Variants in EFCAB7 observed in about 807,000 individuals in gnomAD.
The protein encoded by EFCAB7 is EF-hand calcium-binding domain-containing protein 7.
EFCAB7 carries 66 observed loss-of-function variants against 77.1 expected under a neutral mutation model. The ratio of observed to expected loss-of-function variants is 0.86; its 90% CI spans 0.70 to 1.05. The LOEUF is 1.05. Ranked by LOEUF, EFCAB7 falls within the 50% of genes least tolerant of loss-of-function variation. The probability of loss-of-function intolerance (pLI) is 0.00; values close to 1 mark genes in which losing one functional copy is unlikely to be tolerated. For synonymous variants in EFCAB7, 225 were observed against 243.3 expected (o/e 0.92, Z 0.70); for missense variants, 638 against 730.5 (o/e 0.87, Z 1.46).
chr1:63,545,942 T>A lies in EFCAB7; in HGVS notation c.831T>A (p.Gly277=). The A allele has an allele frequency of 1.2e-6, 2 of 1,613,676 alleles. No homozygotes were observed. Among genetic ancestry groups the A allele is most frequent in the Non-Finnish European group, 1.7e-6 (2 of 1,179,790 alleles). The change falls in exon 7 of 14, where the codon GGT becomes GGA. Residue 277 remains glycine, a synonymous_variant. Coordinates refer to ENST00000371088, the MANE Select transcript of EFCAB7 (RefSeq NM_032437.4). ...ACTGGCAACACATGCAATCAAAAGG[T>A]TGCTTCTTCTTAGAAGAAGATGGTG... ...IKDWQHMQSK[G]CFFLEEDGEI... is the part of the protein sequence containing the mutation.
chr1:63,531,232 C>T (rs75679041), intron 2 of EFCAB7, among the ~76,000 whole-genome samples: 3,338 of 152,008 alleles, frequency 0.022, 124 homozygotes, highest in African/African-American at 0.076. Context: ...TTCTCTACTT[C>T]TAGGATATTA....
At chr1:63,572,049 T>C (rs1242606532) in intron 13 of EFCAB7, among the ~76,000 whole-genome samples, 1 of 152,228 alleles carries the variant, frequency 6.6e-6, no homozygotes, top group African/African-American at 2.4e-5. Flanking sequence ...AAGCTTCCTA[T>C]TCTTACCCTT....
chr1:63,531,926 G>A lies in EFCAB7; in HGVS notation c.294G>A (p.Lys98=). 6.2e-7 allele frequency: 1 copy of A among 1,612,946 alleles called. No homozygotes were observed. Among genetic ancestry groups the A allele is most frequent in the Non-Finnish European group, 8.5e-7 (1 of 1,179,348 alleles). Residue 98 remains lysine (K), a synonymous_variant, in exon 3 of 14, where the codon AAG becomes AAA. Transcript: ENST00000371088. ...ATGATTTTTGTATAATTTTAAGGAA[G>A]GAAAAACCTACTTCAAAAGCAGAAC... ...NFDDFCIILR[K]EKPTSKAELL...
chr1:63,556,827 C>T (rs918568776), intron 9 of EFCAB7, among the ~76,000 whole-genome samples: 13 of 151,076 alleles, frequency 8.6e-5, no homozygotes, highest in African/African-American at 2.7e-4. Flanking sequence ...TCAAGACCAT[C>T]CTGGCTAAAA....
the EFCAB7 span, among the ~76,000 whole-genome samples, chr1:63,581,681 T>G: frequency 2.0e-5 from 3 of 152,172 alleles, no homozygotes; most frequent in African/African-American, 7.2e-5. Context: ...ATATGTGGAT[T>G]TTTTCAATAA....
chr1:63,574,715 G>T (rs1647361850), downstream of EFCAB7, among the ~76,000 whole-genome samples: 2 of 152,128 alleles, frequency 1.3e-5, no homozygotes, highest in South Asian at 4.1e-4. Context: ...TGTTAAAGAG[G>T]CATTAATGAT....
At chr1:63,564,918 C>T (rs1431989846) in intron 11 of EFCAB7, among the ~76,000 whole-genome samples, 1 of 152,160 alleles carries the variant, frequency 6.6e-6, no homozygotes, top group Non-Finnish European at 1.5e-5. Flanking sequence ...CACACCTACA[C>T]CTGTTTGATC....
chr1:63,554,208 A>G (rs921411920), intron 8 of EFCAB7, among the ~76,000 whole-genome samples: 1 of 152,356 alleles, frequency 6.6e-6, no homozygotes, highest in Non-Finnish European at 1.5e-5. Context: ...GCACTTAGCT[A>G]TTACACACAA....
chr1:63,552,175 T>G (rs217482), intron 8 of EFCAB7, among the ~76,000 whole-genome samples: 92,000 of 151,928 alleles, frequency 0.61, 29,604 homozygotes, highest in African/African-American at 0.82. Context: ...TTCTATGATC[T>G]TACCTGTGAA....
chr1:63,562,480 TATATATATATATATAAAA>T (rs1647118734), intron 11 of EFCAB7, among the ~76,000 whole-genome samples: 1 of 95,644 alleles, frequency 1.0e-5, no homozygotes, highest in African/African-American at 4.8e-5. Flanking sequence ...TATATATATA[TATATATATATATATAAAA>T]CTTTTTTTTT....
At chr1:63,554,464 C>G (rs954189661) in intron 8 of EFCAB7, among the ~76,000 whole-genome samples, 2 of 152,142 alleles carry the variant, frequency 1.3e-5, no homozygotes, top group African/African-American at 4.8e-5. Flanking sequence ...CTCAGCCTCC[C>G]AAGTAGCTGG....
chr1:63,574,289 AT>A (rs1157819943), downstream of EFCAB7, among the ~76,000 whole-genome samples: 2 of 152,308 alleles, frequency 1.3e-5, no homozygotes, highest in East Asian at 3.9e-4. Flanking sequence ...GAGAGGTTCT[AT>A]GAGGCAGGCT....
chr1:63,576,718 C>T (rs1647431597), downstream of EFCAB7, among the ~76,000 whole-genome samples: 1 of 151,396 alleles, frequency 6.6e-6, no homozygotes. Flanking sequence ...CTGTAATAAT[C>T]CCAGCTACTC....
the EFCAB7 span, among the ~76,000 whole-genome samples, chr1:63,581,448 T>C: frequency 1.3e-5 from 2 of 151,696 alleles, no homozygotes; most frequent in Non-Finnish European, 1.5e-5. Flanking sequence ...TCTACTTCAA[T>C]TGATGTGGTT....
the EFCAB7 span, among the ~76,000 whole-genome samples, chr1:63,580,050 G>T: frequency 0.35 from 52,997 of 151,988 alleles, 9,392 homozygotes; most frequent in East Asian, 0.48. Flanking sequence ...ATCGTATAGA[G>T]AGTGAAAGTT....
intron 6 of EFCAB7, among the ~76,000 whole-genome samples, chr1:63,544,115 G>A (rs1200709818): frequency 6.6e-6 from 1 of 151,410 alleles, no homozygotes; most frequent in African/African-American, 2.4e-5. Context: ...GATTACAGGT[G>A]TGCGCCACCA....
rs1346860146 is a variant in EFCAB7 at position 63,557,226 on chromosome 1, G to C, written c.1327G>C (p.Asp443His). The change falls in exon 10 of 14, where the codon GAT becomes CAT. Residue 443 changes from aspartate to histidine, a missense_variant. Transcript: ENST00000371088. ...LRTSGEKCDE[D>H]AWAVCRENFD... Reference sequence around the variant, plus strand: ...AACAAGTGGTGAGAAATGTGATGAAGATGCTTGGGCTGTCTGCAGAGGTAA... The same window carrying C: ...AACAAGTGGTGAGAAATGTGATGAACATGCTTGGGCTGTCTGCAGAGGTAA... 1 of 1,609,680 alleles carries C rather than the reference G, an allele frequency of 6.2e-7. No individual in the cohort carries two copies. The highest frequency in any genetic ancestry group is 8.5e-7 in the Non-Finnish European group (1 of 1,178,994).
At chr1:63,580,363 T>A in the EFCAB7 span, among the ~76,000 whole-genome samples, 1 of 152,174 alleles carries the variant, frequency 6.6e-6, no homozygotes, top group African/African-American at 2.4e-5. Flanking sequence ...TGTTGAAAAA[T>A]TCACTGGTCA....
At chr1:63,549,818 C>T in intron 7 of EFCAB7, 1 of 169,096 alleles carries the variant, frequency 5.9e-6, no homozygotes, top group Non-Finnish European at 1.3e-5. Flanking sequence ...TGAAAGATGA[C>T]AAGTTAGCTG....
Sources: gnomAD v4.1 joint callset for allele counts (sites outside exome capture counted in the v4.1 genomes callset) on GRCh38, gnomAD v4.1.1 for gene constraint, MANE v1.5 for transcripts, NCBI Gene and HGNC (gene_info 2026-07-23, HGNC 2026-07-21) for gene names.